The following JCAD variants were observed in gnomAD, a reference collection of about 807,000 sequenced individuals.
JCAD encodes junctional cadherin 5 associated, also known as junctional cadherin 5-associated protein.
JCAD carries 40 observed loss-of-function variants against 98.0 expected under a neutral mutation model. That is an observed-to-expected ratio of 0.41 (90% CI 0.32 to 0.53). The LOEUF is 0.53. JCAD is among the 20% of genes least tolerant of loss of function. JCAD has a pLI of 0.31. For missense variants in JCAD, 1,705 were observed against 1,738.1 expected, an observed-to-expected ratio of 0.98 and a Z score of 0.34; for synonymous variants, 691 against 682.3, an observed-to-expected ratio of 1.01 and a Z score of -0.20.
intron 1 of JCAD, among the ~76,000 whole-genome samples, chr10:30,075,133 T>C (rs1230932266): frequency 6.6e-6 from 1 of 152,200 alleles, no homozygotes; most frequent in East Asian, 1.9e-4. Context: ...TAAATTCTGA[T>C]TGCACAATCT....
chr10:30,057,861 G>A (rs1295854534), intron 1 of JCAD, among the ~76,000 whole-genome samples: 5 of 152,138 alleles, frequency 3.3e-5, no homozygotes, highest in African/African-American at 1.2e-4. Flanking sequence ...ATCCACAGAC[G>A]TTATGGAAAA....
chr10:30,064,402 T>A (rs1319579161), upstream of JCAD, among the ~76,000 whole-genome samples: 5 of 152,114 alleles, frequency 3.3e-5, no homozygotes, highest in Admixed American at 6.5e-5. Flanking sequence ...AGAAATAAAT[T>A]TCTATAACTG....
In JCAD at chr10:30,115,290, G is replaced by C. The variant is rs181404361; in HGVS notation, n.128+77C>G. ...AGCACAAAGCTAGAAAGCAGCTGCC[G>C]TTTTTCAGTGATTACCGGCCCTATT... is the stretch of plus-strand genomic sequence containing the variant. On this transcript the variant is annotated intron_variant and non_coding_transcript_variant, in intron 1 of 2. Transcript: ENST00000465712. 14 of 152,230 alleles carry C rather than the reference G, an allele frequency of 9.2e-5. No homozygotes were observed. The East Asian group carries it at 2.7e-3, about 29-fold the overall frequency. 9.4% of individuals were successfully genotyped at this position (152,230 alleles called of 1,614,324 possible).
chr10:30,065,472 T>C (rs1837767596), intron 2 of JCAD, among the ~76,000 whole-genome samples: 1 of 152,224 alleles, frequency 6.6e-6, no homozygotes, highest in South Asian at 2.1e-4. Context: ...TAGTTATTGC[T>C]ATGCTTTATA....
chr10:30,048,661 G>C (rs1837407040), intron 1 of JCAD, among the ~76,000 whole-genome samples: 1 of 152,072 alleles, frequency 6.6e-6, no homozygotes, highest in African/African-American at 2.4e-5. Flanking sequence ...CACCTCCTGG[G>C]TTCAAGCGAT....
intron 1 of JCAD, among the ~76,000 whole-genome samples, chr10:30,097,670 G>A (rs1294712699): frequency 1.3e-5 from 2 of 152,110 alleles, no homozygotes; most frequent in African/African-American, 4.8e-5. Flanking sequence ...CAGGAGAATT[G>A]CTTGAACCCA....
chr10:30,030,686 G>C (rs1384653705), intron 2 of JCAD, among the ~76,000 whole-genome samples: 1 of 152,048 alleles, frequency 6.6e-6, no homozygotes, highest in African/African-American at 2.4e-5. Context: ...CCCATCCCCA[G>C]CTTCTCATCT....
chr10:30,105,193 TGA>T lies in JCAD; in HGVS notation n.128+10172_128+10173del, dbSNP rs1370457095. Among the ~76,000 whole-genome samples the T allele has an allele frequency of 7.2e-5, 11 of 152,244 alleles. No individual in the cohort carries two copies. In the East Asian group the frequency reaches 2.1e-3, roughly 29 times the overall value. ...ATGATTTCTTTGAGACAGGTATGCA[TGA>T]GAGAGGTGAAAATAATTTTTCAACA... On this transcript the variant is annotated intron_variant and non_coding_transcript_variant, in intron 1 of 2. Transcript: ENST00000465712.
At chr10:30,084,838 TATCCATCC>T (rs1040551463) in intron 1 of JCAD, among the ~76,000 whole-genome samples, 1 of 152,052 alleles carries the variant, frequency 6.6e-6, no homozygotes, top group Middle Eastern at 3.2e-3. Flanking sequence ...TCTGTGTATC[TATCCATCC>T]ATCCATCCAT....
Position 30,047,864 on chromosome 10 carries a change from A to C in JCAD, c.-52T>G. The C allele has an allele frequency of 6.5e-7, 1 of 1,547,058 alleles. No homozygotes were observed. Among genetic ancestry groups the C allele is most frequent in the Non-Finnish European group, 8.7e-7 (1 of 1,143,440 alleles). On this transcript the variant is annotated 5_prime_UTR_variant, in exon 2 of 4. Coordinates refer to ENST00000375377, the MANE Select transcript of JCAD (RefSeq NM_020848.4). ...CCACTGGAACCATGGTGGTGGCAGG[A>C]CCCAGCACTGCAGGACAACAGAGAG...
rs750787723 is a variant in JCAD, at chr10:30,026,311, G to A, written c.3837C>T (p.Ala1279=). Residue 1279 remains alanine (A), a synonymous_variant, in exon 3 of 4, where the codon GCC becomes GCT. Coordinates refer to ENST00000375377, the MANE Select transcript of JCAD (RefSeq NM_020848.4). The stretch of plus-strand genomic sequence containing the variant: ...ATTCCTCGGCGTCCTCCTGGGAGTC[G>A]GCATTCCTGAAGCTCAGGACTCTCA... ...SRMRVLSFRN[A]DSQEDAEELK... 12 of 1,613,916 alleles carry A rather than the reference G, an allele frequency of 7.4e-6. No individual in the cohort carries two copies. The highest frequency in any genetic ancestry group is 6.7e-5 in the East Asian group (3 of 44,880).
intron 1 of JCAD, among the ~76,000 whole-genome samples, chr10:30,103,722 A>C (rs1296165897): frequency 6.7e-6 from 1 of 148,200 alleles, no homozygotes; most frequent in East Asian, 2.0e-4. Flanking sequence ...ACAGTTAGTG[A>C]GTCAATTTTT....
intron 1 of JCAD, among the ~76,000 whole-genome samples, chr10:30,114,826 A>AATAGATAG (rs3074824): frequency 0.058 from 8,791 of 150,738 alleles, 366 homozygotes; most frequent in African/African-American, 0.1. Context: ...TTTAAAGCCG[A>AATAGATAG]ATAGATAGAT....
At chr10:30,109,533 C>T (rs532034962) in intron 1 of JCAD, among the ~76,000 whole-genome samples, 2 of 152,186 alleles carry the variant, frequency 1.3e-5, no homozygotes, top group African/African-American at 4.8e-5. Context: ...CCTTCCGTGT[C>T]TCTCTCCTGT....
Position 30,027,769 on chromosome 10 carries a change from G to T in JCAD, c.2379C>A (p.Ala793=), listed in dbSNP as rs1836866004. 6.2e-7 allele frequency: 1 copy of T among 1,614,238 alleles called. No individual in the cohort carries two copies. The highest frequency in any genetic ancestry group is 8.5e-7 in the Non-Finnish European group (1 of 1,180,044). The change falls in exon 3 of 4, where the codon GCC becomes GCA. Residue 793 remains alanine (A), a synonymous_variant. Coordinates refer to ENST00000375377, the MANE Select transcript of JCAD (RefSeq NM_020848.4). ...CCACCTCCCGCTTAGGCCCAGGGTG[G>T]GCTCCAAGCCCGTGGACATCCACGC... ...QPCVDVHGLG[A]HPGPKREVVK...
intron 1 of JCAD, among the ~76,000 whole-genome samples, chr10:30,070,677 T>C (rs1299802429): frequency 6.6e-6 from 1 of 152,186 alleles, no homozygotes; most frequent in Non-Finnish European, 1.5e-5. Context: ...CCAACTTTTT[T>C]CCCTCCAGCT....
At chr10:30,073,681 G>GCTTCCTTCCTTCCTTCCTTC (rs35385707) in intron 1 of JCAD, among the ~76,000 whole-genome samples, 116 of 137,986 alleles carry the variant, frequency 8.4e-4, no homozygotes, top group South Asian at 3.1e-3. Flanking sequence ...TTCCTTCCTT[G>GCTTCCTTCCTTCCTTCCTTC]CTTCCTTCCT....
At position 30,027,670 on chromosome 10, in the gene JCAD, A is replaced by T; in HGVS notation, c.2478T>A (p.Arg826=). 6.2e-7 allele frequency: 1 copy of T among 1,614,236 alleles called. No individual in the cohort carries two copies. Among genetic ancestry groups the T allele is most frequent in the Non-Finnish European group, 8.5e-7 (1 of 1,180,042 alleles). Residue 826 remains arginine (R), a synonymous_variant, in exon 3 of 4, where the codon CGT becomes CGA. Coordinates refer to ENST00000375377, the MANE Select transcript of JCAD (RefSeq NM_020848.4). ...ACTGACTGATCAAATCCCAGGGACG[A>T]CGGCTGACCGGTTTCAGGAGAAACT... The part of the protein sequence containing the change: ...FGQFLLKPVS[R]RPWDLISQLE...
At chr10:30,114,692 T>A (rs1838762202) in intron 1 of JCAD, among the ~76,000 whole-genome samples, 1 of 152,058 alleles carries the variant, frequency 6.6e-6, no homozygotes, top group Non-Finnish European at 1.5e-5. Flanking sequence ...TACTGGTATT[T>A]GAAGAAAATG....
Sources: gnomAD v4.1 joint callset for allele counts (sites outside exome capture counted in the v4.1 genomes callset) on GRCh38, gnomAD v4.1.1 for gene constraint, MANE v1.5 for transcripts, NCBI Gene and HGNC (gene_info 2026-07-23, HGNC 2026-07-21) for gene names.